TLN2: variants seen among roughly 807,000 people sequenced by gnomAD.
The protein encoded by TLN2 is talin 2.
TLN2 carries 118 observed loss-of-function variants against 294.7 expected under a neutral mutation model. The observed-to-expected ratio is 0.40, with a 90% CI of 0.34 to 0.47. The LOEUF is 0.47. Ranked by LOEUF, TLN2 falls within the 20% of genes least tolerant of loss-of-function variation. The probability of loss-of-function intolerance (pLI) is 0.84; values close to 1 mark genes in which losing one functional copy is unlikely to be tolerated. For missense variants in TLN2, 3,083 were observed against 3,282.2 expected, an observed-to-expected ratio of 0.94 and a Z score of 1.48; for synonymous variants, 1,431 against 1,304.5, an observed-to-expected ratio of 1.10 and a Z score of -2.09.
At chr15:62,447,594 C>T (rs193053551) in intron 1 of TLN2, among the ~76,000 whole-genome samples, 2,612 of 151,478 alleles carry the variant, frequency 0.017, 25 homozygotes, top group Non-Finnish European at 0.025. Context: ...CCTGGGTTCA[C>T]GCCATTCTCC....
intron 1 of TLN2, among the ~76,000 whole-genome samples, chr15:62,407,457 A>G (rs1352810645): frequency 6.6e-6 from 1 of 152,178 alleles, no homozygotes; most frequent in East Asian, 1.9e-4. Flanking sequence ...CACAGAATAC[A>G]TATTTTTATT....
chr15:62,725,973 C>T (rs754738794), intron 27 of TLN2, among the ~76,000 whole-genome samples: 16 of 152,082 alleles, frequency 1.1e-4, no homozygotes, highest in Non-Finnish European at 2.1e-4. Context: ...ATCAAGTTCC[C>T]CTAATAGTAA....
At chr15:62,571,733 G>T (rs911334831) in intron 1 of TLN2, among the ~76,000 whole-genome samples, 4 of 151,996 alleles carry the variant, frequency 2.6e-5, no homozygotes, top group Admixed American at 2.6e-4. Flanking sequence ...CCATTCACTC[G>T]ATTATTTTGA....
chr15:62,835,274 C>T (rs1330490784), intron 55 of TLN2: 2 of 183,756 alleles, frequency 1.1e-5, no homozygotes, highest in East Asian at 1.4e-4. Context: ...GAGGGAGTTC[C>T]ACCACACTTT....
chr15:62,536,688 C>T lies in TLN2; in HGVS notation c.-237-52999C>T, dbSNP rs76143531. Among the ~76,000 whole-genome samples the T allele has an allele frequency of 8.5e-5, 13 of 152,310 alleles. No homozygotes were observed. The East Asian group carries it at 2.1e-3, about 25-fold the overall frequency. The stretch of plus-strand genomic sequence containing the variant: ...GCATGAAGGAAGAGATGGATGCCCT[C>T]TCCTTGGGCCTTGTAAAGTCAGCAG... On this transcript the variant is annotated intron_variant, in intron 1 of 58. Transcript: ENST00000636159.
At chr15:62,670,064 TGGTGGTCAGC>T (rs1373042914) in intron 9 of TLN2, among the ~76,000 whole-genome samples, 2 of 152,168 alleles carry the variant, frequency 1.3e-5, no homozygotes, top group African/African-American at 4.8e-5. Context: ...TTCTTGCCAG[TGGTGGTCAGC>T]ATATTCTACC....
intron 1 of TLN2, among the ~76,000 whole-genome samples, chr15:62,421,504 A>G (rs1367395300): frequency 6.6e-6 from 1 of 152,234 alleles, no homozygotes; most frequent in Non-Finnish European, 1.5e-5. Context: ...ATAAAAAAGA[A>G]TGAGATCATG....
chr15:62,762,938 T>C (rs1233563857), intron 39 of TLN2, among the ~76,000 whole-genome samples: 1 of 152,202 alleles, frequency 6.6e-6, no homozygotes, highest in African/African-American at 2.4e-5. Context: ...TCTCTGACCT[T>C]GTCGATAGTG....
chr15:62,779,785 G>T (rs928040196), intron 43 of TLN2, among the ~76,000 whole-genome samples: 12 of 152,246 alleles, frequency 7.9e-5, no homozygotes, highest in African/African-American at 2.7e-4. Context: ...GCATCTATCT[G>T]CCTAATAGGG....
chr15:62,667,273 G>C (rs72755855), intron 9 of TLN2, among the ~76,000 whole-genome samples: 11 of 152,166 alleles, frequency 7.2e-5, no homozygotes, highest in Non-Finnish European at 1.0e-4. Context: ...GCGAACACTG[G>C]CATTTCTGTC....
chr15:62,757,120 T>C (rs548267414), intron 37 of TLN2, among the ~76,000 whole-genome samples: 49 of 152,350 alleles, frequency 3.2e-4, no homozygotes, highest in African/African-American at 1.1e-3. Flanking sequence ...ACAACCACCC[T>C]GTGCTTATCC....
At chr15:62,733,440 T>C (rs1389362028) in intron 28 of TLN2, among the ~76,000 whole-genome samples, 2 of 152,254 alleles carry the variant, frequency 1.3e-5, no homozygotes, top group Non-Finnish European at 2.9e-5. Flanking sequence ...AGAAGTTGCA[T>C]GTGAGCTGCC....
intron 4 of TLN2, among the ~76,000 whole-genome samples, chr15:62,649,643 G>A (rs1270840378): frequency 2.6e-5 from 4 of 152,176 alleles, no homozygotes; most frequent in Admixed American, 2.0e-4. Context: ...GGTCACTGGA[G>A]ACGTAAAGGC....
chr15:62,496,924 T>C (rs1248620060), intron 1 of TLN2, among the ~76,000 whole-genome samples: 1 of 152,194 alleles, frequency 6.6e-6, no homozygotes. Context: ...CTTTATTGCA[T>C]GTACACAGGC....
intron 50 of TLN2, among the ~76,000 whole-genome samples, chr15:62,803,011 G>C (rs12441876): frequency 5.3e-4 from 81 of 152,126 alleles, no homozygotes; most frequent in African/African-American, 2.0e-3. Flanking sequence ...GTTTTCTCCC[G>C]TTCTGTGGGT....
intron 32 of TLN2, among the ~76,000 whole-genome samples, chr15:62,741,748 C>CGT (rs1555495658): frequency 2.9e-4 from 38 of 131,164 alleles, no homozygotes; most frequent in African/African-American, 1.1e-3. Context: ...AAAATTTGCG[C>CGT]GTGTGTGTGT....
chr15:62,531,781 C>T (rs1467672317), intron 1 of TLN2, among the ~76,000 whole-genome samples: 2 of 152,118 alleles, frequency 1.3e-5, no homozygotes, highest in African/African-American at 4.8e-5. Flanking sequence ...CCCCACTGAA[C>T]CTGAAAACAT....
chr15:62,646,350 A>G (rs1055458123), intron 3 of TLN2, among the ~76,000 whole-genome samples: 2 of 151,934 alleles, frequency 1.3e-5, no homozygotes, highest in African/African-American at 2.4e-5. Context: ...TTTAATAGAG[A>G]CCGTGTTTCA....
chr15:62,708,943 A>C (rs940533831), intron 21 of TLN2, 147 bp downstream of exon 21: 1 of 945,834 alleles, frequency 1.1e-6, no homozygotes, highest in African/African-American at 1.7e-5. Context: ...TGAAGCTCAG[A>C]AAAAGATATA....
Sources: allele counts gnomAD v4.1 joint callset (sites outside exome capture counted in the v4.1 genomes callset), GRCh38; gene constraint gnomAD v4.1.1; transcripts MANE v1.5; gene names NCBI Gene and HGNC (gene_info 2026-07-23, HGNC 2026-07-21).